Variants in MACO1 observed in about 807,000 individuals in gnomAD.
MACO1 encodes macoilin.
Under a neutral mutation model 78.7 loss-of-function variants are expected in MACO1, and 14 were observed. The observed-to-expected ratio is 0.18, with a 90% CI of 0.12 to 0.28. MACO1 has a LOEUF of 0.28. Ranked by LOEUF, MACO1 falls within the 10% of genes least tolerant of loss-of-function variation. The pLI is 1.00. For synonymous variants in MACO1, 288 were observed against 291.6 expected (o/e 0.99, Z 0.12); for missense variants, 501 against 799.0 (o/e 0.63, Z 4.50).
Position 25,464,235 on chromosome 1 carries a change from G to A in MACO1, c.1154+5343G>A, listed in dbSNP as rs1009608512. The stretch of plus-strand genomic sequence containing the variant: ...TTAGTTTTGCCTTTTCCAGAGTGTC[G>A]TATGGTTGGAATGATATTACATAGC... On this transcript the variant is annotated intron_variant, in intron 6 of 10. Coordinates refer to ENST00000374343, the MANE Select transcript of MACO1 (RefSeq NM_018202.6). Among the ~76,000 whole-genome samples the A allele has an allele frequency of 7.3e-5, 11 of 151,346 alleles. 1 individual carries two copies. The highest frequency in any genetic ancestry group is 5.8e-4 in the East Asian group (3 of 5,180).
chr1:25,458,359 TTTTG>T, intron 5 of MACO1, 28 bp from the exon 6 acceptor site: 1 of 1,540,022 alleles, frequency 6.5e-7, no homozygotes, highest in South Asian at 1.3e-5. Flanking sequence ...GGTGGGGGCT[TTTTG>T]TTTGTTGGTT....
intron 6 of MACO1, among the ~76,000 whole-genome samples, chr1:25,472,371 C>A (rs1378954022): frequency 6.6e-6 from 1 of 151,984 alleles, no homozygotes; most frequent in Non-Finnish European, 1.5e-5. Flanking sequence ...CCTAGCCCCC[C>A]ACCCCTCAAC....
intron 1 of MACO1, among the ~76,000 whole-genome samples, chr1:25,439,388 T>A (rs904808591): frequency 2.6e-5 from 3 of 115,106 alleles, no homozygotes; most frequent in African/African-American, 1.4e-4. Context: ...AGAGTAAGAC[T>A]CTGTCTCTGA....
At chr1:25,476,185 C>T (rs905599792) in intron 6 of MACO1, among the ~76,000 whole-genome samples, 1 of 152,162 alleles carries the variant, frequency 6.6e-6, no homozygotes, top group Admixed American at 6.5e-5. Context: ...CAGTAAGTAC[C>T]CTATTTCCCT....
chr1:25,461,511 A>G (rs1211978006), intron 6 of MACO1, among the ~76,000 whole-genome samples: 1 of 152,202 alleles, frequency 6.6e-6, no homozygotes, highest in African/African-American at 2.4e-5. Context: ...AAGTTGAGAT[A>G]AAACTAATAG....
intron 3 of MACO1, among the ~76,000 whole-genome samples, chr1:25,449,434 C>T (rs1235267882): frequency 6.6e-6 from 1 of 152,156 alleles, no homozygotes; most frequent in Non-Finnish European, 1.5e-5. Context: ...TTTTGGGCAG[C>T]TATAAAATAA....
chr1:25,494,743 G>T (rs1317130766), intron 10 of MACO1, among the ~76,000 whole-genome samples: 2 of 152,112 alleles, frequency 1.3e-5, no homozygotes, highest in Non-Finnish European at 2.9e-5. Context: ...CAAAGTTGTT[G>T]GAACCAAGGA....
rs1216685077 is a variant in MACO1 at position 25,431,092 on chromosome 1, C to G, written c.-7C>G. On this transcript the variant is annotated 5_prime_UTR_variant, in exon 1 of 11. Transcript: ENST00000374343. ...GCGGCGCGGGCACCCGGCCCCCCAG[C>G]GGGAGGATGAAGCGGCGGAACGCCG... 6.3e-7 allele frequency: 1 copy of G among 1,584,396 alleles called. No individual in the cohort carries two copies. The highest frequency in any genetic ancestry group is 8.6e-7 in the Non-Finnish European group (1 of 1,168,552).
chr1:25,451,779 G>A (rs950465546), intron 3 of MACO1, among the ~76,000 whole-genome samples: 1 of 151,910 alleles, frequency 6.6e-6, no homozygotes, highest in Non-Finnish European at 1.5e-5. Flanking sequence ...GGTGGTGTGT[G>A]CCTGTAATCC....
intron 6 of MACO1, among the ~76,000 whole-genome samples, chr1:25,479,023 G>A (rs2043347340): frequency 6.6e-6 from 1 of 152,200 alleles, no homozygotes; most frequent in South Asian, 2.1e-4. Context: ...CTATAGTCTA[G>A]GGAAGAGTGT....
chr1:25,446,088 A>G (rs1051923366), intron 1 of MACO1, among the ~76,000 whole-genome samples: 18 of 152,162 alleles, frequency 1.2e-4, no homozygotes, highest in African/African-American at 4.3e-4. Flanking sequence ...GGGAACACAC[A>G]TTTATATCTC....
intron 1 of MACO1, among the ~76,000 whole-genome samples, chr1:25,437,110 T>A (rs1274261814): frequency 2.0e-5 from 3 of 151,060 alleles, no homozygotes; most frequent in African/African-American, 7.3e-5. Flanking sequence ...TTGAATCATA[T>A]TGTTACGTTG....
intron 3 of MACO1, among the ~76,000 whole-genome samples, chr1:25,450,881 T>C (rs1045029049): frequency 1.3e-5 from 2 of 152,236 alleles, no homozygotes; most frequent in Non-Finnish European, 2.9e-5. Flanking sequence ...GTAATCTAAA[T>C]AATGGCTAAA....
intron 6 of MACO1, among the ~76,000 whole-genome samples, chr1:25,481,945 G>T (rs746327869): frequency 6.6e-6 from 1 of 152,150 alleles, no homozygotes; most frequent in Non-Finnish European, 1.5e-5. Context: ...GGTTTTGGGG[G>T]TTTTTTAAAG....
intron 1 of MACO1, 135 bp downstream of exon 1, chr1:25,431,313 C>T (rs1460817681): frequency 4.9e-6 from 2 of 405,376 alleles, no homozygotes; most frequent in South Asian, 7.7e-5. Context: ...GCGCTGGCCC[C>T]GGAGCCGCTG....
At position 25,458,574 on chromosome 1, in the gene MACO1, T is replaced by C; in HGVS notation, c.836T>C (p.Val279Ala). The change falls in exon 6 of 11, where the codon GTA becomes GCA. Residue 279 changes from valine to alanine, a missense_variant. Val to Ala is a moderately conservative substitution (Grantham distance 64, BLOSUM62 0). Coordinates refer to ENST00000374343, the MANE Select transcript of MACO1 (RefSeq NM_018202.6). ...GINNNNILQP[V>A]DSKIQEIEYM... is the part of the protein sequence containing the mutation. ...AATAACAACAATATTCTACAACCTGTAGACTCTAAAATACAAGAGATTGAG... is the reference window on the plus strand; with the variant it reads ...AATAACAACAATATTCTACAACCTGCAGACTCTAAAATACAAGAGATTGAG... 1.9e-6 allele frequency: 3 copies of C among 1,613,904 alleles called. No individual in the cohort carries two copies. In the East Asian group the frequency reaches 6.7e-5, roughly 36 times the overall value.
intron 5 of MACO1, among the ~76,000 whole-genome samples, 161 bp downstream of exon 5, chr1:25,456,992 G>A (rs1224796959): frequency 6.6e-6 from 1 of 151,702 alleles, no homozygotes; most frequent in East Asian, 1.9e-4. Flanking sequence ...AAATACAGAT[G>A]GTGAATGAAG....
chr1:25,462,566 A>C (rs1158928836), intron 6 of MACO1, among the ~76,000 whole-genome samples: 1 of 152,176 alleles, frequency 6.6e-6, no homozygotes. Flanking sequence ...GAAAACCAGT[A>C]CTATATTAAC....
At chr1:25,461,417 C>T (rs1175041529) in intron 6 of MACO1, among the ~76,000 whole-genome samples, 5 of 151,896 alleles carry the variant, frequency 3.3e-5, no homozygotes, top group Admixed American at 2.6e-4. Flanking sequence ...TTAAATCACA[C>T]CTTGGTTGGA....
Sources: gnomAD v4.1 joint callset for allele counts (sites outside exome capture counted in the v4.1 genomes callset) on GRCh38, gnomAD v4.1.1 for gene constraint, MANE v1.5 for transcripts, NCBI Gene and HGNC (gene_info 2026-07-23, HGNC 2026-07-21) for gene names.